Variants in REPS2 observed in about 807,000 individuals in gnomAD.
REPS2 encodes the protein ralBP1-associated Eps domain-containing protein 2.
Under a neutral mutation model 53.6 loss-of-function variants are expected in REPS2, and 23 were observed. The ratio of observed to expected loss-of-function variants is 0.43; its 90% CI spans 0.31 to 0.61. The LOEUF (loss-of-function observed/expected upper bound fraction) is 0.61, where lower values mean the gene tolerates loss of function less well. Ranked by LOEUF, REPS2 falls within the 20% of genes least tolerant of loss-of-function variation. REPS2 has a pLI of 0.11. For synonymous variants in REPS2, 238 were observed against 218.6 expected (o/e 1.09, Z -0.78); for missense variants, 446 against 534.9 (o/e 0.83, Z 1.64).
chrX:17,167,498 G>T, the REPS2 span, among the ~76,000 whole-genome samples: 4 of 109,516 alleles, frequency 3.7e-5, no homozygotes, highest in African/African-American at 1.3e-4. Context: ...CCCTCCCATG[G>T]TACTGCCTTA....
intron 1 of REPS2, among the ~76,000 whole-genome samples, chrX:16,973,338 A>G (rs889677842): frequency 1.8e-5 from 2 of 111,593 alleles, no homozygotes; most frequent in African/African-American, 6.5e-5. Context: ...ATGCTTTGAG[A>G]CTAGGCAGAT....
Position 17,068,457 on chromosome X carries a change from G to A in REPS2, c.1265G>A (p.Ser422Asn), listed in dbSNP as rs1290956348. 8.3e-7 allele frequency: 1 copy of A among 1,203,425 alleles called. No individual in the cohort carries two copies. Among genetic ancestry groups the A allele is most frequent in the Non-Finnish European group, 1.1e-6 (1 of 888,644 alleles). The change falls in exon 10 of 18, where the codon AGT (serine) becomes AAT (asparagine). Residue 422 changes from serine (S) to asparagine (N), a missense_variant. By Grantham distance (46) the Ser-to-Asn change is conservative (BLOSUM62 1). Coordinates refer to ENST00000357277, the MANE Select transcript of REPS2 (RefSeq NM_004726.3). ...DLPVPNQDVT[S>N]DDKQALKSTI... The stretch of plus-strand genomic sequence containing the variant: ...CCTGTCCCTAACCAGGATGTAACTA[G>A]TGATGACAAACAAGGTAGGAGAAGA...
In REPS2 at chrX:17,093,202, T is replaced by TATATATAA. The variant is rs56940345; in HGVS notation, c.1517-10516_1517-10515insATATATAA. Among the ~76,000 whole-genome samples, 116 of 13,128 alleles carry TATATATAA rather than the reference T, an allele frequency of 8.8e-3. 2 individuals carry two copies. The highest frequency in any genetic ancestry group is 0.021 in the East Asian group (3 of 140). The allele number at this position is 13,128 out of a possible 115,157, so 11.4% of individuals were successfully genotyped here. On this transcript the variant is annotated intron_variant, in intron 13 of 17. Coordinates refer to ENST00000357277, the MANE Select transcript of REPS2 (RefSeq NM_004726.3). ...TATATATATATATATATATATATAATTTTTTTTTTGGAAAGAGTGGCAACT... is the reference window on the plus strand; with the variant it reads ...TATATATATATATATATATATATAATATATATAATTTTTTTTTGGAAAGAGTGGCAACT...
intron 14 of REPS2, among the ~76,000 whole-genome samples, chrX:17,110,310 CTTT>C (rs202016963): frequency 1.5e-3 from 133 of 86,506 alleles, no homozygotes; most frequent in Non-Finnish European, 2.6e-3. Flanking sequence ...TTAGATTTCA[CTTT>C]TTTTTTTTTT....
intron 14 of REPS2, among the ~76,000 whole-genome samples, chrX:17,116,640 C>G (rs1249698318): frequency 3.6e-5 from 4 of 112,087 alleles, no homozygotes; most frequent in African/African-American, 9.7e-5. Flanking sequence ...GCCTCTATCA[C>G]TATTCTTTGA....
chrX:17,124,880 A>G (rs1485178231), intron 14 of REPS2, among the ~76,000 whole-genome samples: 7 of 99,799 alleles, frequency 7.0e-5, no homozygotes, highest in Non-Finnish European at 1.4e-4. Context: ...TTTTTGAGAC[A>G]GAGTCTTGCT....
chrX:17,004,941 T>C (rs1275840581), intron 1 of REPS2, among the ~76,000 whole-genome samples: 1 of 110,844 alleles, frequency 9.0e-6, no homozygotes, highest in Non-Finnish European at 1.9e-5. Context: ...CCTCAAGCGA[T>C]CTTCCTTGAG....
chrX:16,965,555 G>A (rs1332857048), intron 1 of REPS2, among the ~76,000 whole-genome samples: 20 of 109,718 alleles, frequency 1.8e-4, no homozygotes, highest in African/African-American at 4.6e-4. Flanking sequence ...CAGACGGGGC[G>A]TCCGGGCAGA....
downstream of REPS2, among the ~76,000 whole-genome samples, chrX:17,154,212 T>C (rs2063594006): frequency 8.9e-6 from 1 of 112,150 alleles, no homozygotes; most frequent in African/African-American, 3.2e-5. Context: ...ATCCAGAGTC[T>C]CAGCTGATTC....
chrX:17,024,433 G>T (rs1046594427), intron 3 of REPS2, among the ~76,000 whole-genome samples: 1 of 100,555 alleles, frequency 9.9e-6, no homozygotes, highest in Non-Finnish European at 2.0e-5. Flanking sequence ...TTTGCCTAGG[G>T]TTCTACATCA....
intron 1 of REPS2, among the ~76,000 whole-genome samples, chrX:16,963,565 G>A (rs766305689): frequency 2.7e-5 from 3 of 112,159 alleles, no homozygotes; most frequent in Admixed American, 9.5e-5. Flanking sequence ...CTCTCAAAAT[G>A]TAATTTTATC....
chrX:17,108,744 T>C (rs1169602754), intron 14 of REPS2, among the ~76,000 whole-genome samples: 1 of 111,221 alleles, frequency 9.0e-6, no homozygotes, highest in Non-Finnish European at 1.9e-5. Flanking sequence ...TTTCTCACCT[T>C]ATATGTAACA....
At chrX:17,020,135 G>A (rs1350568357) in intron 2 of REPS2, among the ~76,000 whole-genome samples, 2 of 111,938 alleles carry the variant, frequency 1.8e-5, no homozygotes, top group Non-Finnish European at 3.8e-5. Context: ...AATGTGTGAA[G>A]TGACAATGTC....
intron 17 of REPS2, 22 bp from the exon 18 acceptor site, chrX:17,147,391 T>C: frequency 8.5e-7 from 1 of 1,178,912 alleles, no homozygotes; most frequent in Non-Finnish European, 1.1e-6. Flanking sequence ...TTTTTGTTTT[T>C]CTTGTGTTTT....
intron 1 of REPS2, among the ~76,000 whole-genome samples, chrX:16,973,354 A>G (rs1218941138): frequency 9.0e-6 from 1 of 111,592 alleles, no homozygotes; most frequent in African/African-American, 3.3e-5. Flanking sequence ...CAGATATCCT[A>G]TTTATCCTCA....
In REPS2 at chrX:16,947,036, G is replaced by A; in HGVS notation, c.175G>A (p.Glu59Lys). The A allele has an allele frequency of 1.0e-6, 1 of 992,598 alleles. No homozygotes were observed. The highest frequency in any genetic ancestry group is 1.3e-6 in the Non-Finnish European group (1 of 790,060). 81.8% of individuals were successfully genotyped at this position (992,598 alleles called of 1,213,427 possible). A position where few individuals can be genotyped will look rare whatever the true frequency, so the allele number is the denominator to read the frequency against. Residue 59 changes from glutamate (E) to lysine (K), a missense_variant, in exon 1 of 18, where the codon GAG (glutamate) becomes AAG (lysine). Glu to Lys is a moderately conservative substitution (Grantham distance 56). Transcript: ENST00000357277. Reference protein sequence around the residue: ...AGGGPGSGPPEAARVAPGTAT... With the variant: ...AGGGPGSGPPKAARVAPGTAT... ...CGGGGGCCCCGGGTCTGGGCCCCCC[G>A]AGGCCGCCAGAGTCGCCCCCGGCAC...
chrX:17,004,132 G>A (rs753109766), intron 1 of REPS2, among the ~76,000 whole-genome samples: 1 of 111,605 alleles, frequency 9.0e-6, no homozygotes, highest in Non-Finnish European at 1.9e-5. Context: ...GATCCAGCTG[G>A]GAGTGTTACA....
Position 17,147,758 on chromosome X carries a change from A to G in REPS2, c.*277A>G. 1 of 235,909 alleles carries G rather than the reference A, an allele frequency of 4.2e-6. No individual in the cohort carries two copies. Among genetic ancestry groups the G allele is most frequent in the Non-Finnish European group, 7.6e-6 (1 of 131,739 alleles). 19.4% of individuals were successfully genotyped at this position (235,909 alleles called of 1,213,427 possible). A position where few individuals can be genotyped will look rare whatever the true frequency, so the allele number is the denominator to read the frequency against. ...TGCAAGGTATTAGATGCTGCTCCTT[A>G]CCAAAAATCAGTCTTCTAGCAAATA... On this transcript the variant is annotated 3_prime_UTR_variant, in exon 18 of 18. Transcript: ENST00000357277.
At chrX:16,973,639 C>T (rs1015617698) in intron 1 of REPS2, among the ~76,000 whole-genome samples, 4 of 111,616 alleles carry the variant, frequency 3.6e-5, no homozygotes, top group Non-Finnish European at 7.5e-5. Context: ...CCAGACTAAA[C>T]TTTTTATACT....
Sources: allele counts gnomAD v4.1 joint callset (sites outside exome capture counted in the v4.1 genomes callset), GRCh38; gene constraint gnomAD v4.1.1; transcripts MANE v1.5; gene names NCBI Gene and HGNC (gene_info 2026-07-23, HGNC 2026-07-21).